Variants in KAT14 observed in about 807,000 individuals in gnomAD.
KAT14 encodes lysine acetyltransferase 14, also known as cysteine-rich protein 2-binding protein.
KAT14 carries 66 observed loss-of-function variants against 78.4 expected under a neutral mutation model. The observed-to-expected ratio is 0.84, with a 90% confidence interval of 0.69 to 1.03. The LOEUF is 1.03. KAT14 is among the 50% of genes least tolerant of loss of function. The pLI, the probability that KAT14 is intolerant of heterozygous loss-of-function variation, is 0.00. For missense variants in KAT14, 870 were observed against 972.5 expected (o/e 0.89, Z 1.40); for synonymous variants, 344 against 359.4 (o/e 0.96, Z 0.48).
intron 7 of KAT14, among the ~76,000 whole-genome samples, chr20:18,164,343 T>G: frequency 6.6e-6 from 1 of 152,118 alleles, no homozygotes. Context: ...CTTCTGCCCG[T>G]GGAGGGAAAG....
At chr20:18,141,036 T>TA (rs1568661478) in intron 1 of KAT14, among the ~76,000 whole-genome samples, 3 of 21,324 alleles carry the variant, frequency 1.4e-4, no homozygotes, top group Non-Finnish European at 2.5e-4. Context: ...TTTTTTTTTT[T>TA]TTTTTTTTTT....
intron 4 of KAT14, among the ~76,000 whole-genome samples, chr20:18,154,333 G>A (rs2038148172): frequency 6.6e-6 from 1 of 152,024 alleles, no homozygotes; most frequent in Non-Finnish European, 1.5e-5. Flanking sequence ...ATTTTTTTGA[G>A]ACGGAGTCCT....
At position 18,162,515 on chromosome 20, in the gene KAT14, TAG is replaced by T. The variant is rs758680732; in HGVS notation, c.1243_1244del (p.Ser415Ter). 9 of 1,612,984 alleles carry T rather than the reference TAG, an allele frequency of 5.6e-6. No homozygotes were observed. In the African/African-American group the frequency reaches 1.2e-4, roughly 22 times the overall value. ...GGCCCTGAACAGATAAAGCAGGAGG[TAG>T]AGAGTGAGGAGGAAAAACCCGACAG... is the stretch of plus-strand genomic sequence containing the variant. On this transcript the variant is annotated frameshift_variant, in exon 7 of 11. Transcript: ENST00000688188. LOFTEE classifies it high-confidence loss of function.
chr20:18,138,748 C>T (rs184321320), intron 1 of KAT14, among the ~76,000 whole-genome samples: 2 of 152,258 alleles, frequency 1.3e-5, no homozygotes, highest in East Asian at 3.9e-4. Flanking sequence ...TGCTGATCAG[C>T]AGTGACTATT....
intron 7 of KAT14, among the ~76,000 whole-genome samples, chr20:18,164,341 C>G (rs73257970): frequency 5.3e-5 from 8 of 152,134 alleles, no homozygotes; most frequent in East Asian, 3.9e-4. Flanking sequence ...GTCTTCTGCC[C>G]GTGGAGGGAA....
chr20:18,149,456 C>G (rs1012607361), intron 3 of KAT14, among the ~76,000 whole-genome samples: 6 of 152,174 alleles, frequency 3.9e-5, no homozygotes, highest in Non-Finnish European at 8.8e-5. Flanking sequence ...AAAATCTGTT[C>G]ATGGGGTTAA....
In KAT14 at chr20:18,144,459, TC is replaced by T. The variant is rs557544962; in HGVS notation, c.260-773del. Among the ~76,000 whole-genome samples the T allele has an allele frequency of 2.6e-5, 4 of 152,310 alleles. No homozygotes were observed. In the East Asian group the frequency reaches 7.7e-4, roughly 29 times the overall value. ...TTAGGGCTTTGCACAGTTTTTTTCT[TC>T]TGGAATATGCATCTCCACAGCCTCC... On this transcript the variant is annotated intron_variant, in intron 2 of 10. Transcript: ENST00000688188.
intron 4 of KAT14, among the ~76,000 whole-genome samples, 188 bp from the exon 5 acceptor site, chr20:18,158,896 G>A (rs1358237534): frequency 6.6e-6 from 1 of 152,166 alleles, no homozygotes; most frequent in Non-Finnish European, 1.5e-5. Flanking sequence ...GAGGCTGCTA[G>A]AAGTTGGTAG....
Position 18,162,434 on chromosome 20 carries a change from C to T in KAT14, c.1157C>T (p.Pro386Leu). ...VIDPGMEYVP[P>L]PAGSVASGPV... ...GACCCAGGGATGGAGTACGTCCCAC[C>T]CCCTGCTGGGTCAGTAGCTTCTGGG... Residue 386 changes from proline to leucine, a missense_variant, in exon 7 of 11, where the codon CCC (proline) becomes CTC (leucine). Transcript: ENST00000688188. The T allele has an allele frequency of 6.2e-7, 1 of 1,614,072 alleles. No individual in the cohort carries two copies. Among genetic ancestry groups the T allele is most frequent in the Non-Finnish European group, 8.5e-7 (1 of 1,180,018 alleles).
In KAT14 at chr20:18,184,276, C is replaced by G. The variant is rs184374705; in HGVS notation, c.1982-326C>G. Among the ~76,000 whole-genome samples, 322 of 152,286 alleles carry G rather than the reference C, an allele frequency of 2.1e-3. 2 individuals are homozygous for G. The highest frequency in any genetic ancestry group is 7.2e-3 in the African/African-American group (300 of 41,556). ...CTTACATATTGCAGAAACGGAGTCT[C>G]TGAGACATTTTGAAATGTGCCAAGC... On this transcript the variant is annotated intron_variant, in intron 9 of 10. Coordinates refer to ENST00000688188, the MANE Select transcript of KAT14 (RefSeq NM_001392073.1).
Position 18,183,182 on chromosome 20 carries a change from T to C in KAT14, c.1865T>C (p.Leu622Pro), listed in dbSNP as rs2039324312. The C allele has an allele frequency of 6.2e-7, 1 of 1,614,020 alleles. No homozygotes were observed. The highest frequency in any genetic ancestry group is 2.2e-5 in the East Asian group (1 of 44,874). The part of the protein sequence containing the change: ...LQLLSQIRSH[L>P]HRSDPHWTPE... ...CTCCTGTCACAGATTCGTTCCCACC[T>C]GCACAGGAGCGACCCTCACTGGACG... The change falls in exon 9 of 11, where the codon CTG becomes CCG. Residue 622 changes from leucine (L) to proline (P), a missense_variant. Transcript: ENST00000688188.
intron 9 of KAT14, 152 bp downstream of exon 9, chr20:18,183,450 C>A (rs2039338612): frequency 1.5e-6 from 2 of 1,334,498 alleles, no homozygotes; most frequent in Admixed American, 3.6e-5. Context: ...AATACAAATA[C>A]CTCTTGCTTT....
intron 7 of KAT14, among the ~76,000 whole-genome samples, chr20:18,171,940 A>G (rs1012220090): frequency 6.6e-6 from 1 of 152,220 alleles, no homozygotes; most frequent in Non-Finnish European, 1.5e-5. Context: ...TCAGTTGGCA[A>G]CCATCAATAT....
At chr20:18,164,443 C>T (rs1233690341) in intron 7 of KAT14, among the ~76,000 whole-genome samples, 1 of 152,060 alleles carries the variant, frequency 6.6e-6, no homozygotes, top group Admixed American at 6.6e-5. Context: ...CATAGTCATA[C>T]CCCCCAGGCT....
At chr20:18,168,692 T>C (rs1254268936) in intron 7 of KAT14, among the ~76,000 whole-genome samples, 1 of 152,180 alleles carries the variant, frequency 6.6e-6, no homozygotes, top group Non-Finnish European at 1.5e-5. Flanking sequence ...CTTTTTTCTA[T>C]TATTTTATTT....
chr20:18,138,004 G>A lies in KAT14; in HGVS notation c.-501G>A. ...GCTGGGCCTCTCGGTGCTGCTGACGGCGGCCACAGTGGCCGGCGTACATGT... is the reference window on the plus strand; with the variant it reads ...GCTGGGCCTCTCGGTGCTGCTGACGACGGCCACAGTGGCCGGCGTACATGT... On this transcript the variant is annotated 5_prime_UTR_variant, in exon 1 of 11. Coordinates refer to ENST00000688188, the MANE Select transcript of KAT14 (RefSeq NM_001392073.1). The A allele has an allele frequency of 1.3e-6, 2 of 1,506,256 alleles. No individual in the cohort carries two copies. The highest frequency in any genetic ancestry group is 1.7e-4 in the Middle Eastern group (1 of 5,836). The allele number at this position is 1,506,256 out of a possible 1,614,324, so 93.3% of individuals were successfully genotyped here. A position where few individuals can be genotyped will look rare whatever the true frequency, so the allele number is the denominator to read the frequency against.
chr20:18,141,582 A>C (rs558282106), intron 1 of KAT14, among the ~76,000 whole-genome samples: 10 of 152,254 alleles, frequency 6.6e-5, no homozygotes, highest in African/African-American at 2.4e-4. Context: ...CATATCAATT[A>C]AACTTTAAAA....
chr20:18,162,975 T>C, intron 7 of KAT14, 30 bp downstream of exon 7: 1 of 1,603,636 alleles, frequency 6.2e-7, no homozygotes, highest in African/African-American at 1.3e-5. Context: ...GTAAAGCCCT[T>C]GGGGGCAGGA....
In KAT14 at chr20:18,139,632, A is replaced by AGGTGTGTGTGTG. The variant is rs1203664163; in HGVS notation, c.-454+1581_-454+1582insGGTGTGTGTGTG. 1.0e-3 allele frequency among the ~76,000 whole-genome samples: 102 copies of AGGTGTGTGTGTG among 99,856 alleles called. 1 individual carries two copies. Among genetic ancestry groups the AGGTGTGTGTGTG allele is most frequent in the Non-Finnish European group, 1.7e-3 (79 of 47,318 alleles). 65.5% of individuals were successfully genotyped at this position (99,856 alleles called of 152,430 possible). ...AAGTTAGAGCTGAAGAACCAAAATA[A>AGGTGTGTGTGTG]CGTGTGTGTGTGTGTGTGTGTGTGT... On this transcript the variant is annotated intron_variant, in intron 1 of 10. Transcript: ENST00000688188.
Sources: gnomAD v4.1 joint callset for allele counts (sites outside exome capture counted in the v4.1 genomes callset) on GRCh38, gnomAD v4.1.1 for gene constraint, MANE v1.5 for transcripts, NCBI Gene and HGNC (gene_info 2026-07-23, HGNC 2026-07-21) for gene names.